The following CDH12 variants were observed in gnomAD, a reference collection of about 807,000 sequenced individuals.
The protein encoded by CDH12 is cadherin 12, also known as cadherin-12.
CDH12 carries 41 observed loss-of-function variants against 74.1 expected under a neutral mutation model. That is an observed-to-expected ratio of 0.55 (90% CI 0.43 to 0.72). CDH12 has a LOEUF of 0.72. Ranked by LOEUF, CDH12 falls within the 30% of genes least tolerant of loss-of-function variation. The pLI is 0.00. For synonymous variants in CDH12, 399 were observed against 355.0 expected, an observed-to-expected ratio of 1.12 and a Z score of -1.39; for missense variants, 945 against 977.2, an observed-to-expected ratio of 0.97 and a Z score of 0.44.
At chr5:21,864,984 G>A (rs1433486577) in intron 6 of CDH12, among the ~76,000 whole-genome samples, 1 of 152,150 alleles carries the variant, frequency 6.6e-6, no homozygotes, top group Non-Finnish European at 1.5e-5. Context: ...ACAAACCAGA[G>A]GAGAGTTAAT....
In CDH12 at chr5:22,785,869, G is replaced by A. The variant is rs868067312; in HGVS notation, c.-523+67189C>T. On this transcript the variant is annotated intron_variant, in intron 1 of 14. Transcript: ENST00000382254. ...GAGGAACCCTTACACACTGTTTTAGGGGGTGTAAATTAGTTCAATCATTGG... is the reference window on the plus strand; with the variant it reads ...GAGGAACCCTTACACACTGTTTTAGAGGGTGTAAATTAGTTCAATCATTGG... Among the ~76,000 whole-genome samples, 4 of 152,152 alleles carry A rather than the reference G, an allele frequency of 2.6e-5. 1 individual carries two copies. Among genetic ancestry groups the A allele is most frequent in the Admixed American group, 2.6e-4 (4 of 15,262 alleles).
Position 21,802,421 on chromosome 5 carries a change from C to T in CDH12, c.1003-1G>A. 6.2e-7 allele frequency: 1 copy of T among 1,611,562 alleles called. No individual in the cohort carries two copies. The highest frequency in any genetic ancestry group is 8.5e-7 in the Non-Finnish European group (1 of 1,178,030). ...CCTTCTTTGTTTCAAAATCTAAAGG[C>T]TGTAGTGAGGACAAATTAAGAATAA... On this transcript the variant is annotated splice_acceptor_variant, in intron 9 of 14. Coordinates refer to ENST00000382254, the MANE Select transcript of CDH12 (RefSeq NM_004061.5). LOFTEE classifies it high-confidence loss of function.
chr5:22,000,849 C>T (rs182417545), intron 5 of CDH12, among the ~76,000 whole-genome samples: 2,625 of 151,546 alleles, frequency 0.017, 64 homozygotes, highest in African/African-American at 0.06. Context: ...CTATTCAGCT[C>T]GAAAAAAAGC....
At chr5:22,153,976 A>G (rs1310208946) in intron 4 of CDH12, among the ~76,000 whole-genome samples, 1 of 147,598 alleles carries the variant, frequency 6.8e-6, no homozygotes, top group Admixed American at 6.8e-5. Flanking sequence ...ACACACATAC[A>G]TGCACAGATA....
chr5:22,131,473 A>G (rs1746177026), intron 4 of CDH12, among the ~76,000 whole-genome samples: 1 of 152,122 alleles, frequency 6.6e-6, no homozygotes, highest in African/African-American at 2.4e-5. Flanking sequence ...CTACTTCCCC[A>G]CATGCCTATC....
chr5:22,563,279 A>G (rs1174733939), intron 1 of CDH12, among the ~76,000 whole-genome samples: 18 of 152,048 alleles, frequency 1.2e-4, no homozygotes, highest in Admixed American at 1.2e-3. Context: ...ATTTTAACTG[A>G]GGTGAGATAA....
At chr5:22,714,384 A>G (rs78045304) in intron 1 of CDH12, among the ~76,000 whole-genome samples, 6,216 of 152,274 alleles carry the variant, frequency 0.041, 177 homozygotes, top group Admixed American at 0.071. Flanking sequence ...TACCTGCTCC[A>G]TGGAGCTAGT....
intron 1 of CDH12, among the ~76,000 whole-genome samples, chr5:22,760,678 C>CAAAAAAAAAAA (rs11284255): frequency 7.9e-5 from 5 of 63,444 alleles, no homozygotes; most frequent in South Asian, 8.4e-4. Context: ...GACTCCGTCT[C>CAAAAAAAAAAA]AAAAAAAAAA....
At chr5:22,800,422 C>CA in intron 1 of CDH12, among the ~76,000 whole-genome samples, 1 of 152,194 alleles carries the variant, frequency 6.6e-6, no homozygotes, top group Non-Finnish European at 1.5e-5. Context: ...AGGTTCACAG[C>CA]AAAATTGAGA....
chr5:22,039,779 A>G (rs1033651925), intron 5 of CDH12, among the ~76,000 whole-genome samples: 1 of 152,242 alleles, frequency 6.6e-6, no homozygotes, highest in Non-Finnish European at 1.5e-5. Flanking sequence ...GAAATGAGTC[A>G]CCATGCCCTT....
intron 6 of CDH12, among the ~76,000 whole-genome samples, chr5:21,942,700 T>C (rs1459433892): frequency 6.6e-6 from 1 of 152,104 alleles, no homozygotes; most frequent in Admixed American, 6.5e-5. Context: ...ATGCTGGCAA[T>C]GGAATTCTCA....
chr5:22,153,913 TACACACACACAC>T (rs71609744), intron 4 of CDH12, among the ~76,000 whole-genome samples: 1 of 130,334 alleles, frequency 7.7e-6, no homozygotes, highest in African/African-American at 2.9e-5. Context: ...TACACACACA[TACACACACACAC>T]ACAAACATAT....
chr5:21,888,464 A>G (rs1018500235), intron 6 of CDH12, among the ~76,000 whole-genome samples: 10 of 152,134 alleles, frequency 6.6e-5, no homozygotes, highest in Non-Finnish European at 2.9e-5. Flanking sequence ...ACTTCAGAGA[A>G]GTAATACTAT....
chr5:22,840,944 T>C (rs943997058), intron 1 of CDH12, among the ~76,000 whole-genome samples: 1 of 151,382 alleles, frequency 6.6e-6, no homozygotes, highest in Non-Finnish European at 1.5e-5. Context: ...GCAAGAAGAG[T>C]TGGACAGAGC....
At chr5:22,668,683 A>G (rs1206144062) in intron 1 of CDH12, among the ~76,000 whole-genome samples, 1 of 152,164 alleles carries the variant, frequency 6.6e-6, no homozygotes, top group Non-Finnish European at 1.5e-5. Flanking sequence ...TAATCTGTGA[A>G]TGTGAGCAGA....
At chr5:21,802,040 T>G (rs1747138710) in intron 10 of CDH12, 127 bp downstream of exon 10, 1 of 792,222 alleles carries the variant, frequency 1.3e-6, no homozygotes. Context: ...AGTCATTATG[T>G]TTTCAAGCAT....
At chr5:21,937,291 A>T (rs1345740818) in intron 6 of CDH12, among the ~76,000 whole-genome samples, 3 of 152,210 alleles carry the variant, frequency 2.0e-5, no homozygotes, top group African/African-American at 7.2e-5. Context: ...AAGTGTTTTA[A>T]GAAAGAGAAT....
intron 1 of CDH12, among the ~76,000 whole-genome samples, chr5:22,821,907 A>G (rs1749720259): frequency 6.6e-6 from 1 of 150,796 alleles, no homozygotes; most frequent in Admixed American, 6.6e-5. Flanking sequence ...GAACCAAAAA[A>G]GAGCCTGCAT....
intron 5 of CDH12, among the ~76,000 whole-genome samples, chr5:22,065,007 T>A (rs531108177): frequency 6.6e-6 from 1 of 152,172 alleles, no homozygotes; most frequent in Admixed American, 6.5e-5. Flanking sequence ...TGGGAAGACC[T>A]TGATGAAGCT....
Sources: gnomAD v4.1 joint callset for allele counts (sites outside exome capture counted in the v4.1 genomes callset) on GRCh38, gnomAD v4.1.1 for gene constraint, MANE v1.5 for transcripts, NCBI Gene and HGNC (gene_info 2026-07-23, HGNC 2026-07-21) for gene names.